LINGO2: variants seen among roughly 807,000 people sequenced by gnomAD.
LINGO2 encodes the protein leucine rich repeat and Ig domain containing 2.
In LINGO2, 14 loss-of-function variants were observed where a neutral mutation model predicts 30.6. That is an observed-to-expected ratio of 0.46 (90% CI 0.30 to 0.72). The LOEUF (loss-of-function observed/expected upper bound fraction) is 0.72, where lower values mean the gene tolerates loss of function less well. LINGO2 is among the 30% of genes least tolerant of loss of function. The probability of loss-of-function intolerance (pLI) is 0.07; values close to 1 mark genes in which losing one functional copy is unlikely to be tolerated. For synonymous variants in LINGO2, 317 were observed against 288.5 expected, an observed-to-expected ratio of 1.10 and a Z score of -1.00; for missense variants, 729 against 751.7, an observed-to-expected ratio of 0.97 and a Z score of 0.35.
chr9:28,023,417 G>C (rs1237078787), intron 4 of LINGO2, among the ~76,000 whole-genome samples: 4 of 152,162 alleles, frequency 2.6e-5, no homozygotes, highest in Non-Finnish European at 4.4e-5. Context: ...TCATTAAGTA[G>C]AATCTATGCC....
chr9:28,868,403 G>C, the LINGO2 span, among the ~76,000 whole-genome samples: 10 of 152,018 alleles, frequency 6.6e-5, no homozygotes, highest in Admixed American at 1.3e-4. Flanking sequence ...GTGAGTGAGT[G>C]AGCATGTGTG....
the LINGO2 span, among the ~76,000 whole-genome samples, chr9:28,911,387 T>C: frequency 2.0e-5 from 3 of 152,104 alleles, no homozygotes; most frequent in African/African-American, 4.8e-5. Flanking sequence ...CCTTGATATA[T>C]GTTTAGACAT....
chr9:27,975,786 C>T (rs188441774), intron 5 of LINGO2, among the ~76,000 whole-genome samples: 59 of 152,190 alleles, frequency 3.9e-4, no homozygotes, highest in Non-Finnish European at 7.2e-4. Context: ...TTGAAAATTT[C>T]CTAAATTCAT....
chr9:27,955,751 G>A (rs1342833346), intron 5 of LINGO2, among the ~76,000 whole-genome samples: 1 of 151,872 alleles, frequency 6.6e-6, no homozygotes, highest in Non-Finnish European at 1.5e-5. Context: ...ACATCTTTGT[G>A]CATACTTATG....
At chr9:28,175,252 G>A (rs1176403383) in intron 4 of LINGO2, among the ~76,000 whole-genome samples, 1 of 151,982 alleles carries the variant, frequency 6.6e-6, no homozygotes, top group Non-Finnish European at 1.5e-5. Flanking sequence ...ACAACCTCTG[G>A]AGGCACCCAC....
intron 5 of LINGO2, among the ~76,000 whole-genome samples, chr9:27,999,971 T>A (rs889545266): frequency 6.6e-6 from 1 of 151,950 alleles, no homozygotes; most frequent in African/African-American, 2.4e-5. Flanking sequence ...CTATACATGA[T>A]GTCAAATAAT....
intron 4 of LINGO2, among the ~76,000 whole-genome samples, chr9:28,224,225 C>T (rs915157903): frequency 5.3e-5 from 8 of 152,104 alleles, no homozygotes; most frequent in Non-Finnish European, 1.0e-4. Context: ...CCACCATGCC[C>T]AGTTAATTTT....
At chr9:28,368,660 T>C (rs1200151962) in intron 3 of LINGO2, among the ~76,000 whole-genome samples, 1 of 151,004 alleles carries the variant, frequency 6.6e-6, no homozygotes, top group East Asian at 2.0e-4. Flanking sequence ...GCAGTGGCGC[T>C]ATCTCGGCTC....
the LINGO2 span, among the ~76,000 whole-genome samples, chr9:28,965,404 C>G: frequency 6.6e-6 from 1 of 152,016 alleles, no homozygotes; most frequent in Non-Finnish European, 1.5e-5. Context: ...AAGCAAAGTC[C>G]AGGGTATAAC....
chr9:28,929,820 C>T, the LINGO2 span, among the ~76,000 whole-genome samples: 6 of 152,264 alleles, frequency 3.9e-5, no homozygotes, highest in South Asian at 1.2e-3. Flanking sequence ...CAAATTTTAA[C>T]ACCCCTGAGA....
chr9:29,171,184 A>G, the LINGO2 span, among the ~76,000 whole-genome samples: 25 of 152,060 alleles, frequency 1.6e-4, no homozygotes, highest in African/African-American at 5.8e-4. Flanking sequence ...TTCTACTGAG[A>G]AATTTGCATA....
the LINGO2 span, among the ~76,000 whole-genome samples, chr9:28,771,788 A>G: frequency 2.6e-5 from 4 of 152,170 alleles, no homozygotes; most frequent in Non-Finnish European, 5.9e-5. Flanking sequence ...TATTATCATT[A>G]CTATTAGATT....
At chr9:28,321,514 G>A (rs16912706) in intron 3 of LINGO2, among the ~76,000 whole-genome samples, 3,363 of 152,266 alleles carry the variant, frequency 0.022, 118 homozygotes, top group African/African-American at 0.076. Context: ...TGCTGTATTA[G>A]TTAAGGTTCT....
At position 27,997,383 on chromosome 9, in the gene LINGO2, G is replaced by C. The variant is rs146031374; in HGVS notation, c.-36+14972C>G. ...AAATTCCCAGGTTATTAAGCACTTT[G>C]AGATGTGCTCCCCCCTCCCCCCGTC... On this transcript the variant is annotated intron_variant, in intron 5 of 5. Transcript: ENST00000379992. Among the ~76,000 whole-genome samples, 369 of 152,224 alleles carry C rather than the reference G, an allele frequency of 2.4e-3. 2 individuals are homozygous for C. The highest frequency in any genetic ancestry group is 0.01 in the Middle Eastern group (3 of 294).
chr9:28,684,714 T>C, the LINGO2 span, among the ~76,000 whole-genome samples: 2 of 151,882 alleles, frequency 1.3e-5, no homozygotes, highest in African/African-American at 4.8e-5. Flanking sequence ...AGACAGGGTT[T>C]CACCATCTTG....
intron 4 of LINGO2, among the ~76,000 whole-genome samples, chr9:28,196,180 T>C (rs1035535215): frequency 3.3e-5 from 5 of 151,676 alleles, no homozygotes; most frequent in African/African-American, 9.7e-5. Context: ...TGGATTTACA[T>C]TGTTAAAACA....
chr9:28,666,673 C>G (rs1026209451), intron 1 of LINGO2, among the ~76,000 whole-genome samples: 1 of 152,042 alleles, frequency 6.6e-6, no homozygotes, highest in Non-Finnish European at 1.5e-5. Flanking sequence ...TACTTTTATC[C>G]TTTTTTTCAC....
chr9:28,905,856 G>A, the LINGO2 span, among the ~76,000 whole-genome samples: 7 of 151,970 alleles, frequency 4.6e-5, no homozygotes, highest in East Asian at 7.7e-4. Flanking sequence ...ATATCTGCAC[G>A]CCCATGTTCA....
the LINGO2 span, chr9:27,942,412 G>A: frequency 6.6e-6 from 1 of 152,112 alleles, no homozygotes; most frequent in Non-Finnish European, 1.5e-5. Context: ...TAACTGAGAT[G>A]TCAGATGCTT....
Sources: gnomAD v4.1 joint callset for allele counts (sites outside exome capture counted in the v4.1 genomes callset) on GRCh38, gnomAD v4.1.1 for gene constraint, MANE v1.5 for transcripts, NCBI Gene and HGNC (gene_info 2026-07-23, HGNC 2026-07-21) for gene names.